The following IER5L variants were observed in gnomAD, a reference collection of about 807,000 sequenced individuals.
IER5L encodes the protein immediate early response gene 5-like protein.
Under a neutral mutation model 28.3 loss-of-function variants are expected in IER5L, and 6 were observed. The ratio of observed to expected loss-of-function variants is 0.21; its 90% CI spans 0.12 to 0.42. IER5L has a LOEUF of 0.42. Ranked by LOEUF, IER5L falls within the 10% of genes least tolerant of loss-of-function variation. The probability of loss-of-function intolerance (pLI) is 1.00; values close to 1 mark genes in which losing one functional copy is unlikely to be tolerated. For synonymous variants in IER5L, 351 were observed against 282.5 expected, an observed-to-expected ratio of 1.24 and a Z score of -2.43; for missense variants, 607 against 575.2, an observed-to-expected ratio of 1.06 and a Z score of -0.56.
In IER5L at chr9:129,178,130, C is replaced by A; in HGVS notation, c.-78G>T. 1 of 1,262,240 alleles carries A rather than the reference C, an allele frequency of 7.9e-7. No individual in the cohort carries two copies. The highest frequency in any genetic ancestry group is 1.0e-6 in the Non-Finnish European group (1 of 979,494). 78.2% of individuals were successfully genotyped at this position (1,262,240 alleles called of 1,614,324 possible). ...TTCTGCTGTTTCTGCCTCCAGCCGGCCGCCGGGGCGCGCCGGGCAGGGGTA... is the reference window on the plus strand; with the variant it reads ...TTCTGCTGTTTCTGCCTCCAGCCGGACGCCGGGGCGCGCCGGGCAGGGGTA... On this transcript the variant is annotated 5_prime_UTR_variant, in exon 1 of 1. Coordinates refer to ENST00000372491, the MANE Select transcript of IER5L (RefSeq NM_203434.3).
In IER5L at chr9:129,177,942, G is replaced by T; in HGVS notation, c.111C>A (p.Ser37=). Residue 37 remains serine (S), a synonymous_variant, in exon 1 of 1, where the codon TCC becomes TCA. Transcript: ENST00000372491. ...GIKLHKNLLV[S]YVLRNARQLY... ...GCTGGCGCGCGTTGCGGAGCACGTA[G>T]GACACCAGGAGGTTCTTGTGCAGCT... The T allele has an allele frequency of 1.3e-6, 2 of 1,581,806 alleles. No homozygotes were observed. The highest frequency in any genetic ancestry group is 1.7e-6 in the Non-Finnish European group (2 of 1,165,582).
rs572576977 is a variant in IER5L at position 129,175,998 on chromosome 9, T to G, written c.*840A>C. On this transcript the variant is annotated 3_prime_UTR_variant, in exon 1 of 1. Coordinates refer to ENST00000372491, the MANE Select transcript of IER5L (RefSeq NM_203434.3). This position sits in a 1 kb window ranked among gnomAD's most constrained non-coding sequence, Gnocchi z 5.2. ...CGGGGATCCAGGTGAAGGAATTGAC[T>G]TCCTTTTTTGTTTAGTGAGGACCGC... The G allele has an allele frequency of 2.7e-5, 4 of 150,426 alleles. No individual in the cohort carries two copies. Among genetic ancestry groups the G allele is most frequent in the African/African-American group, 9.7e-5 (4 of 41,376 alleles). 9.3% of individuals were successfully genotyped at this position (150,426 alleles called of 1,614,324 possible).
Position 129,178,109 on chromosome 9 carries a change from G to A in IER5L, c.-57C>T, listed in dbSNP as rs1829443666. 3 of 1,333,376 alleles carry A rather than the reference G, an allele frequency of 2.2e-6. No homozygotes were observed. In the Admixed American group the frequency reaches 1.2e-4, roughly 52 times the overall value. The allele number at this position is 1,333,376 out of a possible 1,614,324, so 82.6% of individuals were successfully genotyped here. Reference sequence around the variant, plus strand: ...CGCCGCTGCTGCTGTTAACGCTTCTGCTGTTTCTGCCTCCAGCCGGCCGCC... The same window carrying A: ...CGCCGCTGCTGCTGTTAACGCTTCTACTGTTTCTGCCTCCAGCCGGCCGCC... On this transcript the variant is annotated 5_prime_UTR_variant, in exon 1 of 1. Coordinates refer to ENST00000372491, the MANE Select transcript of IER5L (RefSeq NM_203434.3).
chr9:129,177,849 G>C lies in IER5L; in HGVS notation c.204C>G (p.Pro68=), dbSNP rs1225293728. 1.3e-6 allele frequency: 2 copies of C among 1,539,504 alleles called. No individual in the cohort carries two copies. The highest frequency in any genetic ancestry group is 1.7e-6 in the Non-Finnish European group (2 of 1,143,774). ...RQQQQQQQQP[P]HHQHQHLAYA... Reference sequence around the variant, plus strand: ...ACGCTAGGTGCTGGTGCTGGTGGTGGGGCGGCTGCTGCTGTTGCTGCTGCT... The same window carrying C: ...ACGCTAGGTGCTGGTGCTGGTGGTGCGGCGGCTGCTGCTGTTGCTGCTGCT... Residue 68 remains proline (P), a synonymous_variant, in exon 1 of 1, where the codon CCC becomes CCG. Coordinates refer to ENST00000372491, the MANE Select transcript of IER5L (RefSeq NM_203434.3).
In IER5L at chr9:129,175,906, ACC is replaced by A. The variant is rs1204794043; in HGVS notation, c.*930_*931del. On this transcript the variant is annotated 3_prime_UTR_variant, in exon 1 of 1. Coordinates refer to ENST00000372491, the MANE Select transcript of IER5L (RefSeq NM_203434.3). The surrounding 1 kb of genome is among the most constrained non-coding windows in gnomAD (Gnocchi z 5.2). ...AGCACACACACAAACACCACAGCTG[ACC>A]AGGAACTTAGTGCAAAGTCTCCAAC... The A allele has an allele frequency of 5.2e-5, 8 of 152,390 alleles. No individual in the cohort carries two copies. In the East Asian group the frequency reaches 1.5e-3, roughly 29 times the overall value. The allele number at this position is 152,390 out of a possible 1,614,324, so 9.4% of individuals were successfully genotyped here.
rs1829412222 is a variant in IER5L at position 129,176,956 on chromosome 9, C to T, written c.1097G>A (p.Gly366Glu). Residue 366 changes from glycine to glutamate, a missense_variant, in exon 1 of 1, where the codon GGG becomes GAG. Transcript: ENST00000372491. ...LISIFGSGFSGLVSRQPDSSE... is the reference protein window; with the variant it reads ...LISIFGSGFSELVSRQPDSSE... The stretch of plus-strand genomic sequence containing the variant: ...GGAGTCCGGCTGTCGGCTCACCAGC[C>T]CCGAGAAGCCGGAGCCAAAGATGGA... 1 of 1,604,298 alleles carries T rather than the reference C, an allele frequency of 6.2e-7. No individual in the cohort carries two copies. Among genetic ancestry groups the T allele is most frequent in the Non-Finnish European group, 8.5e-7 (1 of 1,176,734 alleles).
rs1829413208 is a variant in IER5L at position 129,177,011 on chromosome 9, G to C, written c.1042C>G (p.Pro348Ala). 4 of 1,595,066 alleles carry C rather than the reference G, an allele frequency of 2.5e-6. No individual in the cohort carries two copies. In the Admixed American group the frequency reaches 5.1e-5, roughly 21 times the overall value. ...AAGTTTGAGATGTTGGACGCGTCCG[G>C]GGACGAGTCCGGGCAGAAGTCCTCG... is the stretch of plus-strand genomic sequence containing the variant. ...RFEDFCPDSS[P>A]DASNISNLIS... Residue 348 changes from proline (P) to alanine (A), a missense_variant, in exon 1 of 1, where the codon CCG (proline) becomes GCG (alanine). Pro to Ala is a conservative substitution (Grantham distance 27). Coordinates refer to ENST00000372491, the MANE Select transcript of IER5L (RefSeq NM_203434.3).
rs1467983065 is a variant in IER5L at position 129,178,212 on chromosome 9, G to A, written c.-160C>T. 1.5e-4 allele frequency: 81 copies of A among 552,380 alleles called. No homozygotes were observed. Among genetic ancestry groups the A allele is most frequent in the Admixed American group, 4.4e-5 (1 of 22,910 alleles). The allele number at this position is 552,380 out of a possible 1,614,324, so 34.2% of individuals were successfully genotyped here. On this transcript the variant is annotated 5_prime_UTR_variant, in exon 1 of 1. Coordinates refer to ENST00000372491, the MANE Select transcript of IER5L (RefSeq NM_203434.3). ...CCGAAAGGAGCCGCCACCATGCGCC[G>A]CGCGCCACCCGCGGGCTCGCGCTCC...
rs763802792 is a variant in IER5L at position 129,177,119 on chromosome 9, C to T, written c.934G>A (p.Glu312Lys). The T allele has an allele frequency of 6.2e-6, 9 of 1,455,824 alleles. No homozygotes were observed. The highest frequency in any genetic ancestry group is 4.5e-5 in the African/African-American group (3 of 67,288). The allele number at this position is 1,455,824 out of a possible 1,614,324, so 90.2% of individuals were successfully genotyped here. A position where few individuals can be genotyped will look rare whatever the true frequency, so the allele number is the denominator to read the frequency against. The change falls in exon 1 of 1, where the codon GAA becomes AAA. Residue 312 changes from glutamate to lysine, a missense_variant. Physicochemically the swap from Glu to Lys is moderately conservative, Grantham distance 56. Coordinates refer to ENST00000372491, the MANE Select transcript of IER5L (RefSeq NM_203434.3). ...CCGCCCGCATCCTCCTCGTCGTCTT[C>T]CTCCTCCTCCTGGCCAGGGTAATAC... ...RKYYPGQEEE[E>K]DDEEDAGGLG...
rs1264759786 is a variant in IER5L, at chr9:129,177,397, G to A, written c.656C>T (p.Ala219Val). ...CGGGGAGGCGGGCGGAGAAGCGGCGGCGGCCGGAGGGGCGGCCCCTGGGGG... is the reference window on the plus strand; with the variant it reads ...CGGGGAGGCGGGCGGAGAAGCGGCGACGGCCGGAGGGGCGGCCCCTGGGGG... ...SAPPGAAPPA[A>V]AASPPASPAP... Residue 219 changes from alanine to valine, a missense_variant, in exon 1 of 1, where the codon GCC becomes GTC. Transcript: ENST00000372491. The A allele has an allele frequency of 8.0e-7, 1 of 1,253,500 alleles. No homozygotes were observed. The highest frequency in any genetic ancestry group is 1.0e-6 in the Non-Finnish European group (1 of 999,400). 77.6% of individuals were successfully genotyped at this position (1,253,500 alleles called of 1,614,324 possible).
At position 129,177,934 on chromosome 9, in the gene IER5L, A is replaced by G. The variant is rs1376221413; in HGVS notation, c.119T>C (p.Leu40Pro). 6.3e-7 allele frequency: 1 copy of G among 1,575,244 alleles called. No homozygotes were observed. Among genetic ancestry groups the G allele is most frequent in the Non-Finnish European group, 8.6e-7 (1 of 1,162,064 alleles). ...LHKNLLVSYV[L>P]RNARQLYLSE... The stretch of plus-strand genomic sequence containing the variant: ...CAGGTAGAGCTGGCGCGCGTTGCGG[A>G]GCACGTAGGACACCAGGAGGTTCTT... The change falls in exon 1 of 1, where the codon CTC becomes CCC. Residue 40 changes from leucine to proline, a missense_variant. By Grantham distance (98) the Leu-to-Pro change is moderately conservative. Coordinates refer to ENST00000372491, the MANE Select transcript of IER5L (RefSeq NM_203434.3).
chr9:129,176,266 GC>G lies in IER5L; in HGVS notation c.*571del, dbSNP rs981727632. 6.6e-6 allele frequency: 1 copy of G among 152,170 alleles called. No homozygotes were observed. The highest frequency in any genetic ancestry group is 2.4e-5 in the African/African-American group (1 of 41,438). 9.4% of individuals were successfully genotyped at this position (152,170 alleles called of 1,614,324 possible). On this transcript the variant is annotated 3_prime_UTR_variant, in exon 1 of 1. Coordinates refer to ENST00000372491, the MANE Select transcript of IER5L (RefSeq NM_203434.3). Reference sequence around the variant, plus strand: ...TCTCATTTTGAGAACTTTGGAGTCCGCCCCCAGAGAGGAAATGTGACCCAAA... The same window carrying G: ...TCTCATTTTGAGAACTTTGGAGTCCGCCCCAGAGAGGAAATGTGACCCAAA...
At position 129,177,624 on chromosome 9, in the gene IER5L, G is replaced by GGCC. The variant is rs749690776; in HGVS notation, c.426_428dup (p.Ala143dup). On this transcript the variant is annotated inframe_insertion, in exon 1 of 1. Transcript: ENST00000372491. Reference sequence around the variant, plus strand: ...CCCCCGCGCCGCCCGCGGGCGCTCCGGCCGCCGCCGCCGCCGCGCAGCCCC... The same window carrying GGCC: ...CCCCCGCGCCGCCCGCGGGCGCTCCGGCCGCCGCCGCCGCCGCCGCGCAGCCCC... The GGCC allele has an allele frequency of 4.6e-4, 522 of 1,138,038 alleles. 2 individuals are homozygous for GGCC. Among genetic ancestry groups the GGCC allele is most frequent in the Middle Eastern group, 3.7e-3 (10 of 2,722 alleles). The allele number at this position is 1,138,038 out of a possible 1,614,324, so 70.5% of individuals were successfully genotyped here.
rs1198655852 is a variant in IER5L, at chr9:129,177,270, A to T, written c.783T>A (p.Thr261=). Residue 261 remains threonine, a synonymous_variant, in exon 1 of 1, where the codon ACT becomes ACA. Transcript: ENST00000372491. ...SSQTTVLDLD[T]HVVTTVENGY... ...CGTTCTCCACCGTGGTCACCACGTG[A>T]GTGTCTAGGTCCAGCACGGTGGTCT... 3 of 1,476,012 alleles carry T rather than the reference A, an allele frequency of 2.0e-6. No individual in the cohort carries two copies. The African/African-American group carries it at 4.4e-5, about 22-fold the overall frequency. 91.4% of individuals were successfully genotyped at this position (1,476,012 alleles called of 1,614,324 possible). A position where few individuals can be genotyped will look rare whatever the true frequency, so the allele number is the denominator to read the frequency against.
rs1312047956 is a variant in IER5L, at chr9:129,175,579, A to G, written c.*1259T>C. ...CTGTAATCGACTTTTTATTAAGATT[A>G]TAAATTTAAACAATCTGAACAGTTT... On this transcript the variant is annotated 3_prime_UTR_variant, in exon 1 of 1. Transcript: ENST00000372491. The surrounding 1 kb of genome is among the most constrained non-coding windows in gnomAD (Gnocchi z 5.2). 6 of 152,256 alleles carry G rather than the reference A, an allele frequency of 3.9e-5. No homozygotes were observed. The highest frequency in any genetic ancestry group is 7.3e-5 in the Non-Finnish European group (5 of 68,058). The allele number at this position is 152,256 out of a possible 1,614,324, so 9.4% of individuals were successfully genotyped here.
chr9:129,177,834 C>T lies in IER5L; in HGVS notation c.219G>A (p.Gln73=), dbSNP rs1829438386. ...QQQQPPHHQH[Q]HLAYAAPGMP... is the part of the protein sequence containing the mutation. ...TGCCCGGCGCCGCGTACGCTAGGTG[C>T]TGGTGCTGGTGGTGGGGCGGCTGCT... The change falls in exon 1 of 1, where the codon CAG becomes CAA. Residue 73 remains glutamine (Q), a synonymous_variant. Transcript: ENST00000372491. The T allele has an allele frequency of 1.8e-5, 27 of 1,535,812 alleles. No individual in the cohort carries two copies. The highest frequency in any genetic ancestry group is 2.4e-5 in the Non-Finnish European group (27 of 1,142,636).
chr9:129,177,928 T>G lies in IER5L; in HGVS notation c.125A>C (p.Asn42Thr). 6.4e-7 allele frequency: 1 copy of G among 1,570,830 alleles called. No individual in the cohort carries two copies. The change falls in exon 1 of 1, where the codon AAC becomes ACC. Residue 42 changes from asparagine to threonine, a missense_variant. Physicochemically the swap from Asn to Thr is moderately conservative, Grantham distance 65. Coordinates refer to ENST00000372491, the MANE Select transcript of IER5L (RefSeq NM_203434.3). ...CTCGCTCAGGTAGAGCTGGCGCGCG[T>G]TGCGGAGCACGTAGGACACCAGGAG... ...KNLLVSYVLR[N>T]ARQLYLSERY...
rs1829401048 is a variant in IER5L, at chr9:129,176,612, ATACT to A, written c.*222_*225del. 4.1e-6 allele frequency: 2 copies of A among 493,222 alleles called. No individual in the cohort carries two copies. The highest frequency in any genetic ancestry group is 3.3e-6 in the Non-Finnish European group (1 of 304,884). 30.6% of individuals were successfully genotyped at this position (493,222 alleles called of 1,614,324 possible). ...AAAAGGAGTAGGAGAAACACAAAGC[ATACT>A]TAAATAGGCGCTTTTTCTCTCTGCA... On this transcript the variant is annotated 3_prime_UTR_variant, in exon 1 of 1. Transcript: ENST00000372491.
In IER5L at chr9:129,178,211, C is replaced by G; in HGVS notation, c.-159G>C. On this transcript the variant is annotated 5_prime_UTR_variant, in exon 1 of 1. Transcript: ENST00000372491. ...TCCGAAAGGAGCCGCCACCATGCGC[C>G]GCGCGCCACCCGCGGGCTCGCGCTC... The G allele has an allele frequency of 3.7e-6, 2 of 547,618 alleles. No individual in the cohort carries two copies. Among genetic ancestry groups the G allele is most frequent in the Non-Finnish European group, 5.6e-6 (2 of 354,410 alleles). The allele number at this position is 547,618 out of a possible 1,614,324, so 33.9% of individuals were successfully genotyped here. A position where few individuals can be genotyped will look rare whatever the true frequency, so the allele number is the denominator to read the frequency against.
Sources: allele counts gnomAD v4.1 joint callset, GRCh38; gene constraint gnomAD v4.1.1; non-coding constraint Gnocchi (gnomAD v3.1); transcripts MANE v1.5; gene names NCBI Gene and HGNC (gene_info 2026-07-23, HGNC 2026-07-21).